Variants in FHIT observed in about 807,000 individuals in gnomAD.
FHIT encodes bis(5'-adenosyl)-triphosphatase.
In FHIT, 19 loss-of-function variants were observed where a neutral mutation model predicts 17.9. That is an observed-to-expected ratio of 1.06 (90% confidence interval 0.74 to 1.56). The LOEUF (loss-of-function observed/expected upper bound fraction) is 1.56. FHIT is among the 40% of genes most tolerant of loss of function. The pLI is 0.00. For synonymous variants in FHIT, 81 were observed against 69.7 expected (o/e 1.16, Z -0.81); for missense variants, 248 against 189.2 (o/e 1.31, Z -1.82).
At chr3:60,428,015 G>A (rs1702737653) in intron 5 of FHIT, among the ~76,000 whole-genome samples, 1 of 151,982 alleles carries the variant, frequency 6.6e-6, no homozygotes, top group Admixed American at 6.6e-5. Context: ...TTATATTCAA[G>A]GCTTCTTTTC....
In FHIT at chr3:60,744,263, C is replaced by CAAAAAAAA. The variant is rs1201886354; in HGVS notation, c.-18+77655_-18+77656insTTTTTTTT. Among the ~76,000 whole-genome samples, 14 of 85,958 alleles carry CAAAAAAAA rather than the reference C, an allele frequency of 1.6e-4. 1 individual carries two copies. Among genetic ancestry groups the CAAAAAAAA allele is most frequent in the African/African-American group, 5.2e-4 (11 of 21,268 alleles). 56.4% of individuals were successfully genotyped at this position (85,958 alleles called of 152,430 possible). ...AAGTAATGTAAAAAAAAAAACAAAA[C>CAAAAAAAA]AAAACAAAAAAAAAAAAAAACAGAA... On this transcript the variant is annotated intron_variant, in intron 4 of 9. Transcript: ENST00000492590.
chr3:59,876,039 C>CAA (rs1304336021), intron 8 of FHIT, among the ~76,000 whole-genome samples: 1 of 151,538 alleles, frequency 6.6e-6, no homozygotes, highest in Non-Finnish European at 1.5e-5. Context: ...ACACAGAAAT[C>CAA]AAAAAGAATC....
intron 5 of FHIT, among the ~76,000 whole-genome samples, chr3:60,139,211 C>T (rs1158587329): frequency 6.6e-6 from 1 of 152,072 alleles, no homozygotes; most frequent in Admixed American, 6.6e-5. Flanking sequence ...CAGGAAGGCA[C>T]GTGATGAGGA....
rs953068043 is a variant in FHIT, at chr3:60,118,377, G to A, written c.104-104225C>T. ...CCTGCCTAAGCCTCCCAAAGCGCTG[G>A]GATTATACGTGTGAGCCACTGCACC... On this transcript the variant is annotated intron_variant, in intron 5 of 9. Coordinates refer to ENST00000492590, the MANE Select transcript of FHIT (RefSeq NM_002012.4). Among the ~76,000 whole-genome samples the A allele has an allele frequency of 6.6e-5, 10 of 151,404 alleles. 1 individual carries two copies. The highest frequency in any genetic ancestry group is 4.4e-5 in the Non-Finnish European group (3 of 67,820).
At position 60,290,468 on chromosome 3, in the gene FHIT, A is replaced by C. The variant is rs78301429; in HGVS notation, c.103+246392T>G. Among the ~76,000 whole-genome samples, 616 of 152,132 alleles carry C rather than the reference A, an allele frequency of 4.0e-3. 1 individual carries two copies. The highest frequency in any genetic ancestry group is 0.014 in the African/African-American group (587 of 41,528). ...TGACCTATGGAGAGCCTCATGTGGCAGAGAACTGAGACCAACAGTCAACAA... is the reference window on the plus strand; with the variant it reads ...TGACCTATGGAGAGCCTCATGTGGCCGAGAACTGAGACCAACAGTCAACAA... On this transcript the variant is annotated intron_variant, in intron 5 of 9. Coordinates refer to ENST00000492590, the MANE Select transcript of FHIT (RefSeq NM_002012.4).
At chr3:60,524,237 C>G (rs1171956676) in intron 5 of FHIT, among the ~76,000 whole-genome samples, 1 of 96,200 alleles carries the variant, frequency 1.0e-5, no homozygotes, top group East Asian at 3.6e-4. Flanking sequence ...CACACACACA[C>G]ACACACACAC....
intron 5 of FHIT, among the ~76,000 whole-genome samples, chr3:60,396,479 C>T (rs545539137): frequency 1.3e-5 from 2 of 152,086 alleles, no homozygotes; most frequent in Non-Finnish European, 2.9e-5. Flanking sequence ...TTGCCAAGGC[C>T]ATTTTTGATT....
At chr3:59,982,063 C>G (rs1708679053) in intron 7 of FHIT, among the ~76,000 whole-genome samples, 1 of 151,948 alleles carries the variant, frequency 6.6e-6, no homozygotes, top group East Asian at 1.9e-4. Context: ...TCTTACCTCT[C>G]TCTAGTGACA....
At chr3:60,074,603 A>T (rs868211693) in intron 5 of FHIT, among the ~76,000 whole-genome samples, 80 of 151,848 alleles carry the variant, frequency 5.3e-4, no homozygotes, top group African/African-American at 1.8e-3. Flanking sequence ...GACTAGAGAC[A>T]CATTATCACT....
At chr3:61,197,990 C>A (rs975200463) in intron 2 of FHIT, among the ~76,000 whole-genome samples, 1 of 151,988 alleles carries the variant, frequency 6.6e-6, no homozygotes, top group African/African-American at 2.4e-5. Context: ...TAATAAAGAA[C>A]TCTGTACTTT....
chr3:61,142,123 T>A (rs1000853163), intron 2 of FHIT, among the ~76,000 whole-genome samples: 6 of 145,614 alleles, frequency 4.1e-5, no homozygotes, highest in East Asian at 1.9e-4. Context: ...TTAAAAAAAA[T>A]TTTTTTTTTA....
chr3:60,292,095 A>C (rs1038203738), intron 5 of FHIT, among the ~76,000 whole-genome samples: 1 of 152,080 alleles, frequency 6.6e-6, no homozygotes, highest in African/African-American at 2.4e-5. Context: ...GAGAGCCACC[A>C]CTTGAAGCTG....
intron 7 of FHIT, among the ~76,000 whole-genome samples, chr3:59,926,361 T>A (rs376848548): frequency 3.3e-5 from 5 of 152,206 alleles, no homozygotes; most frequent in African/African-American, 1.2e-4. Flanking sequence ...GAGCCAGGGA[T>A]ACGGTAATGG....
chr3:60,520,225 A>T (rs1460843049), intron 5 of FHIT, among the ~76,000 whole-genome samples: 1 of 152,002 alleles, frequency 6.6e-6, no homozygotes, highest in Non-Finnish European at 1.5e-5. Flanking sequence ...TTCTTTTTTT[A>T]GATATTTCTA....
intron 2 of FHIT, among the ~76,000 whole-genome samples, chr3:61,044,528 A>AG (rs2033688277): frequency 6.6e-6 from 1 of 151,290 alleles, no homozygotes; most frequent in East Asian, 1.9e-4. Flanking sequence ...GAAAGTGATG[A>AG]GGAGAATGGA....
chr3:61,191,211 G>A (rs1184231779), intron 2 of FHIT, among the ~76,000 whole-genome samples: 1 of 152,164 alleles, frequency 6.6e-6, no homozygotes, highest in African/African-American at 2.4e-5. Flanking sequence ...TTCTGGATGT[G>A]TCTGTGAGGG....
At chr3:60,541,724 G>T (rs1347765257) in intron 4 of FHIT, among the ~76,000 whole-genome samples, 1 of 152,150 alleles carries the variant, frequency 6.6e-6, no homozygotes, top group African/African-American at 2.4e-5. Flanking sequence ...AAAAGAGCTG[G>T]CTTGATGTGA....
chr3:61,019,449 T>C (rs1449350868), intron 3 of FHIT, among the ~76,000 whole-genome samples: 2 of 152,214 alleles, frequency 1.3e-5, no homozygotes, highest in Admixed American at 6.5e-5. Flanking sequence ...ATAATAAGTT[T>C]TGAAAATAAG....
chr3:60,594,031 G>A (rs570459605), intron 4 of FHIT, among the ~76,000 whole-genome samples: 10 of 152,230 alleles, frequency 6.6e-5, no homozygotes, highest in Admixed American at 1.3e-4. Flanking sequence ...CCAGAGCTGC[G>A]TTGAGAACTA....
Sources: gnomAD v4.1 joint callset for allele counts (sites outside exome capture counted in the v4.1 genomes callset) on GRCh38, gnomAD v4.1.1 for gene constraint, MANE v1.5 for transcripts, NCBI Gene and HGNC (gene_info 2026-07-23, HGNC 2026-07-21) for gene names.